The following CAST variants were observed in gnomAD, a reference collection of about 807,000 sequenced individuals.
The protein encoded by CAST is calpastatin.
A neutral mutation model predicts 119.6 loss-of-function variants in CAST; 76 were observed. The observed-to-expected ratio is 0.64, with a 90% CI of 0.53 to 0.77. CAST has a LOEUF of 0.77. Ranked by LOEUF, CAST falls within the 30% of genes least tolerant of loss-of-function variation. CAST has a pLI of 0.00. For synonymous variants in CAST, 319 were observed against 331.6 expected, an observed-to-expected ratio of 0.96 and a Z score of 0.41; for missense variants, 953 against 946.5, an observed-to-expected ratio of 1.01 and a Z score of -0.09.
the CAST span, among the ~76,000 whole-genome samples, chr5:96,216,006 C>A: frequency 5.9e-5 from 9 of 152,042 alleles, 1 homozygote; most frequent in South Asian, 4.1e-4. Context: ...TGGGTTTTTT[C>A]CATGTTGGCC....
the CAST span, among the ~76,000 whole-genome samples, chr5:96,115,600 A>G: frequency 2.0e-5 from 3 of 152,224 alleles, no homozygotes; most frequent in South Asian, 4.1e-4. Context: ...AGTTCAAGGC[A>G]GCAGACACTC....
the CAST span, among the ~76,000 whole-genome samples, chr5:96,498,735 CTTG>C: frequency 3.3e-5 from 5 of 152,252 alleles, no homozygotes; most frequent in South Asian, 1.0e-3. Flanking sequence ...CAATGAACAT[CTTG>C]TTGTCCTTAC....
chr5:96,556,460 GA>G (rs1404385870), intron 1 of CAST, among the ~76,000 whole-genome samples: 1 of 152,118 alleles, frequency 6.6e-6, no homozygotes, highest in Admixed American at 6.6e-5. Flanking sequence ...TAAAAACCTT[GA>G]AAAAAATTAG....
the CAST span, among the ~76,000 whole-genome samples, chr5:96,233,384 G>A: frequency 6.6e-6 from 1 of 151,946 alleles, no homozygotes; most frequent in East Asian, 1.9e-4. Context: ...TAAATAGGAA[G>A]CAAAAATGGA....
chr5:96,355,845 G>A, the CAST span, among the ~76,000 whole-genome samples: 1 of 152,030 alleles, frequency 6.6e-6, no homozygotes, highest in African/African-American at 2.4e-5. Flanking sequence ...GGGACTACAG[G>A]TGCACACCAC....
chr5:96,152,916 G>C, the CAST span, among the ~76,000 whole-genome samples: 56 of 152,186 alleles, frequency 3.7e-4, no homozygotes, highest in Non-Finnish European at 1.3e-4. Context: ...CACACAGAAA[G>C]TTCCTGTAAG....
the CAST span, among the ~76,000 whole-genome samples, chr5:96,226,916 A>C: frequency 6.6e-6 from 1 of 152,202 alleles, no homozygotes; most frequent in African/African-American, 2.4e-5. Flanking sequence ...GCACTTTTGC[A>C]TGGTAGTTTT....
the CAST span, among the ~76,000 whole-genome samples, chr5:96,276,999 T>C: frequency 6.6e-6 from 1 of 152,250 alleles, no homozygotes; most frequent in African/African-American, 2.4e-5. Context: ...TTCTGAGATT[T>C]ATCCATGAAG....
In CAST at chr5:96,766,082, G is replaced by A; in HGVS notation, c.2067G>A (p.Lys689=). 6.2e-7 allele frequency: 1 copy of A among 1,610,438 alleles called. No individual in the cohort carries two copies. Among genetic ancestry groups the A allele is most frequent in the Non-Finnish European group, 8.5e-7 (1 of 1,177,324 alleles). Reference sequence around the variant, plus strand: ...AAGCTAAAGCTGAACATAGAGACAAGCTTGGAGAAAGAGATGACACTATCC... The same window carrying A: ...AAGCTAAAGCTGAACATAGAGACAAACTTGGAGAAAGAGATGACACTATCC... ...KEKAKAEHRD[K]LGERDDTIPP... Residue 689 remains lysine, a synonymous_variant, in exon 27 of 32, where the codon AAG becomes AAA. Coordinates refer to ENST00000675179, the MANE Select transcript of CAST (RefSeq NM_001750.7).
chr5:96,049,368 A>G, the CAST span, among the ~76,000 whole-genome samples: 1 of 152,160 alleles, frequency 6.6e-6, no homozygotes, highest in Non-Finnish European at 1.5e-5. Context: ...GGCATTATGT[A>G]TGTTATATTC....
chr5:96,732,745 A>G (rs1379742637), intron 9 of CAST, among the ~76,000 whole-genome samples: 1 of 152,080 alleles, frequency 6.6e-6, no homozygotes, highest in Admixed American at 6.5e-5. Context: ...TAGAAAGCTG[A>G]AACTGGATCC....
chr5:96,300,617 T>C, the CAST span, among the ~76,000 whole-genome samples: 1 of 152,108 alleles, frequency 6.6e-6, no homozygotes, highest in African/African-American at 2.4e-5. Flanking sequence ...AGAATTTTTG[T>C]CTATATCCAT....
At chr5:96,738,826 T>G (rs1762152618) in intron 11 of CAST, among the ~76,000 whole-genome samples, 1 of 151,130 alleles carries the variant, frequency 6.6e-6, no homozygotes, top group South Asian at 2.1e-4. Context: ...TCCCAGCTAC[T>G]CAGGAGGCTG....
chr5:96,618,602 C>T (rs1191067908), intron 1 of CAST, among the ~76,000 whole-genome samples: 1 of 152,238 alleles, frequency 6.6e-6, no homozygotes. Flanking sequence ...GCCTCGCATT[C>T]GGGGCAGCGG....
the CAST span, among the ~76,000 whole-genome samples, chr5:96,367,264 G>A: frequency 4.8e-3 from 737 of 152,202 alleles, 5 homozygotes; most frequent in Non-Finnish European, 7.1e-3. Flanking sequence ...TAGGCTACTC[G>A]GGTGTCAGGG....
At chr5:96,097,182 A>T in the CAST span, among the ~76,000 whole-genome samples, 4 of 152,172 alleles carry the variant, frequency 2.6e-5, no homozygotes, top group African/African-American at 7.2e-5. Context: ...TTGAGCTTTC[A>T]TAGTTTGCTC....
At chr5:96,654,717 G>T (rs977150351) in intron 1 of CAST, among the ~76,000 whole-genome samples, 22 of 152,078 alleles carry the variant, frequency 1.4e-4, no homozygotes, top group Non-Finnish European at 1.0e-4. Context: ...AACAAAAAAG[G>T]GGCATCTGGA....
At chr5:96,518,314 A>G in the CAST span, among the ~76,000 whole-genome samples, 12 of 152,240 alleles carry the variant, frequency 7.9e-5, no homozygotes, top group Non-Finnish European at 1.5e-4. Flanking sequence ...ATTCATATTT[A>G]CAAAGAACAC....
chr5:96,132,463 A>T, the CAST span, among the ~76,000 whole-genome samples: 1 of 152,098 alleles, frequency 6.6e-6, no homozygotes, highest in Non-Finnish European at 1.5e-5. Flanking sequence ...TAAATTACTG[A>T]TAACTATAGT....
Sources: gnomAD v4.1 joint callset for allele counts (sites outside exome capture counted in the v4.1 genomes callset) on GRCh38, gnomAD v4.1.1 for gene constraint, MANE v1.5 for transcripts, NCBI Gene and HGNC (gene_info 2026-07-23, HGNC 2026-07-21) for gene names.